Variants in PC observed in about 807,000 individuals in gnomAD.
PC encodes pyruvate carboxylase.
In PC, 46 loss-of-function variants were observed where a neutral mutation model predicts 107.8. The observed-to-expected ratio is 0.43, with a 90% CI of 0.34 to 0.55. The LOEUF is 0.55. PC is among the 20% of genes least tolerant of loss of function. PC has a pLI of 0.04. For missense variants in PC, 1,241 were observed against 1,643.1 expected (o/e 0.76, Z 4.23); for synonymous variants, 662 against 684.7 (o/e 0.97, Z 0.52).
intron 3 of PC, among the ~76,000 whole-genome samples, chr11:66,924,034 C>T (rs1948655994): frequency 6.6e-6 from 1 of 151,464 alleles, no homozygotes; most frequent in African/African-American, 2.4e-5. Context: ...AAAACCATGT[C>T]TCTACTAAAA....
intron 3 of PC, among the ~76,000 whole-genome samples, chr11:66,894,883 G>A (rs1947699980): frequency 6.6e-6 from 1 of 152,106 alleles, no homozygotes; most frequent in Non-Finnish European, 1.5e-5. Flanking sequence ...TCAGTTGGGC[G>A]TGGTGGCATG....
chr11:66,896,051 C>G (rs1291645676), intron 3 of PC, among the ~76,000 whole-genome samples: 4 of 152,038 alleles, frequency 2.6e-5, no homozygotes, highest in Non-Finnish European at 4.4e-5. Flanking sequence ...TCAAACTTGT[C>G]AAGGAAAAAT....
At position 66,866,044 on chromosome 11, in the gene PC, G is replaced by T; in HGVS notation, c.1185+143C>A. The T allele has an allele frequency of 1.1e-6, 1 of 930,990 alleles. No individual in the cohort carries two copies. The highest frequency in any genetic ancestry group is 1.6e-6 in the Non-Finnish European group (1 of 618,118). 57.7% of individuals were successfully genotyped at this position (930,990 alleles called of 1,614,324 possible). ...CCTCCTCTGGGCACTGCCTGCCTCC[G>T]TGTACTCTATGTCCACTTCAGAGCC... On this transcript the variant is annotated intron_variant, in intron 11 of 22. Transcript: ENST00000393960. The surrounding 1 kb of genome is among the most constrained non-coding windows in gnomAD (Gnocchi z 5.4).
chr11:66,952,833 G>A (rs184367693), intron 2 of PC, among the ~76,000 whole-genome samples: 19 of 152,292 alleles, frequency 1.2e-4, no homozygotes, highest in Admixed American at 1.2e-3. Flanking sequence ...GTGAGCCACC[G>A]CACCCGGCCA....
At chr11:66,885,406 G>T (rs1015347358) in intron 3 of PC, among the ~76,000 whole-genome samples, 7 of 150,294 alleles carry the variant, frequency 4.7e-5, no homozygotes, top group Admixed American at 1.3e-4. Context: ...AGGAGAATTT[G>T]CTTGAACCCG....
intron 12 of PC, among the ~76,000 whole-genome samples, chr11:66,862,615 T>C (rs1053306439): frequency 2.3e-4 from 35 of 152,342 alleles, no homozygotes; most frequent in African/African-American, 8.2e-4. Flanking sequence ...CCAAAGCCCC[T>C]GTCCTCCGGC....
chr11:66,886,611 A>T (rs1195718656), intron 3 of PC, among the ~76,000 whole-genome samples: 2 of 152,114 alleles, frequency 1.3e-5, no homozygotes, highest in Non-Finnish European at 2.9e-5. Flanking sequence ...GTGCCAAGAA[A>T]TACTTAGGAG....
At chr11:66,850,152 A>G in intron 19 of PC, 36 bp from the exon 20 acceptor site, 1 of 1,613,802 alleles carries the variant, frequency 6.2e-7, no homozygotes. Flanking sequence ...GGTGCCAGGC[A>G]CCTCAAGGAG....
chr11:66,862,892 C>T (rs886165335), intron 12 of PC, among the ~76,000 whole-genome samples: 1 of 152,258 alleles, frequency 6.6e-6, no homozygotes, highest in Admixed American at 6.5e-5. Flanking sequence ...TGCGCCCCCA[C>T]CCTCGGCTGC....
intron 3 of PC, among the ~76,000 whole-genome samples, chr11:66,890,972 C>T (rs968233895): frequency 2.6e-4 from 40 of 152,184 alleles, no homozygotes; most frequent in African/African-American, 9.6e-4. Context: ...ATAACTTTGA[C>T]CCCATATAGA....
intron 3 of PC, among the ~76,000 whole-genome samples, chr11:66,910,889 C>A (rs1167507228): frequency 6.6e-6 from 1 of 152,216 alleles, no homozygotes; most frequent in Non-Finnish European, 1.5e-5. Flanking sequence ...CCCCTCCCAG[C>A]ACTGCAGTTT....
chr11:66,924,884 C>T (rs945747886), intron 3 of PC, among the ~76,000 whole-genome samples: 1 of 152,080 alleles, frequency 6.6e-6, no homozygotes, highest in African/African-American at 2.4e-5. Context: ...TCTATTTTCC[C>T]TAAGTGTCAG....
At chr11:66,872,302 T>C in intron 3 of PC, 143 bp from the exon 4 acceptor site, 3 of 988,174 alleles carry the variant, frequency 3.0e-6, no homozygotes. Context: ...AAGCCCAACA[T>C]TTCCTGGCTC....
In PC at chr11:66,871,166, G is replaced by T. The variant is rs1323945215; in HGVS notation, c.519C>A (p.Pro173=). Residue 173 remains proline, a synonymous_variant, in exon 7 of 23, where the codon CCC becomes CCA. Coordinates refer to ENST00000393960, the MANE Select transcript of PC (RefSeq NM_001040716.2). This position sits in a 1 kb window ranked among gnomAD's most constrained non-coding sequence, Gnocchi z 7.4. Reference sequence around the variant, plus strand: ...CGTGGGCCTCATGCAGGGACGTGATGGGGGCATCTGTGCCAGGGACAACGG... The same window carrying T: ...CGTGGGCCTCATGCAGGGACGTGATTGGGGCATCTGTGCCAGGGACAACGG... ...GVPVVPGTDA[P]ITSLHEAHEF... is the part of the protein sequence containing the mutation. 4 of 1,613,680 alleles carry T rather than the reference G, an allele frequency of 2.5e-6. No individual in the cohort carries two copies. In the East Asian group the frequency reaches 8.9e-5, roughly 36 times the overall value.
intron 3 of PC, among the ~76,000 whole-genome samples, chr11:66,884,020 G>A (rs1012031505): frequency 1.3e-5 from 2 of 152,120 alleles, no homozygotes; most frequent in African/African-American, 4.8e-5. Flanking sequence ...TGAAGCGGGT[G>A]GATCACCTAA....
intron 3 of PC, among the ~76,000 whole-genome samples, chr11:66,951,299 A>T (rs997152579): frequency 6.6e-6 from 1 of 152,176 alleles, no homozygotes; most frequent in Non-Finnish European, 1.5e-5. Flanking sequence ...AAATGCTGGG[A>T]GAGCACCTGG....
chr11:66,848,829 T>C lies in PC; in HGVS notation c.*70A>G, dbSNP rs1591108291. 5 of 1,605,024 alleles carry C rather than the reference T, an allele frequency of 3.1e-6. No homozygotes were observed. The highest frequency in any genetic ancestry group is 2.2e-5 in the East Asian group (1 of 44,830). ...TCCTGGCCTCGGGCACTGGCTGGCC[T>C]GGGCCTGCCGTGGCAGCACAGCTTC... On this transcript the variant is annotated 3_prime_UTR_variant, in exon 23 of 23. Coordinates refer to ENST00000393960, the MANE Select transcript of PC (RefSeq NM_001040716.2).
At chr11:66,890,513 T>C (rs1485297546) in intron 3 of PC, among the ~76,000 whole-genome samples, 3 of 151,068 alleles carry the variant, frequency 2.0e-5, no homozygotes, top group Non-Finnish European at 4.4e-5. Flanking sequence ...TTTTTTTTTT[T>C]TTTTTGAGAT....
At chr11:66,883,799 T>C (rs1234151939) in intron 3 of PC, among the ~76,000 whole-genome samples, 1 of 152,134 alleles carries the variant, frequency 6.6e-6, no homozygotes, top group Non-Finnish European at 1.5e-5. Context: ...GCTGTTAAGA[T>C]TCACCGTGAG....
Sources: allele counts gnomAD v4.1 joint callset (sites outside exome capture counted in the v4.1 genomes callset), GRCh38; gene constraint gnomAD v4.1.1; non-coding constraint Gnocchi (gnomAD v3.1); transcripts MANE v1.5; gene names NCBI Gene and HGNC (gene_info 2026-07-23, HGNC 2026-07-21).